DPP4: variants seen among roughly 807,000 people sequenced by gnomAD.
DPP4 encodes the protein dipeptidyl peptidase 4.
A neutral mutation model predicts 122.4 loss-of-function variants in DPP4; 93 were observed. That is an observed-to-expected ratio of 0.76 (90% CI 0.64 to 0.90). DPP4 has a LOEUF of 0.90. Ranked by LOEUF, DPP4 falls within the 40% of genes least tolerant of loss-of-function variation. The probability of loss-of-function intolerance (pLI) is 0.00; values close to 1 mark genes in which losing one functional copy is unlikely to be tolerated. For synonymous variants in DPP4, 321 were observed against 302.9 expected, an observed-to-expected ratio of 1.06 and a Z score of -0.62; for missense variants, 914 against 907.3, an observed-to-expected ratio of 1.01 and a Z score of -0.09.
intron 2 of DPP4, among the ~76,000 whole-genome samples, chr2:162,068,351 G>A (rs1436220713): frequency 6.6e-6 from 1 of 152,234 alleles, no homozygotes; most frequent in East Asian, 1.9e-4. Flanking sequence ...ATGATATGGA[G>A]TTGAACAGTA....
intron 23 of DPP4, among the ~76,000 whole-genome samples, chr2:162,000,614 GA>G (rs1435197109): frequency 6.6e-6 from 1 of 152,160 alleles, no homozygotes; most frequent in Non-Finnish European, 1.5e-5. Context: ...ATAACCTAAC[GA>G]TGCAGCAGTT....
At chr2:162,033,079 C>T (rs1683618579) in intron 10 of DPP4, among the ~76,000 whole-genome samples, 2 of 152,160 alleles carry the variant, frequency 1.3e-5, no homozygotes, top group South Asian at 4.1e-4. Context: ...AGGGCCTTTG[C>T]ACTTGCTCTT....
At chr2:162,012,053 T>C in intron 19 of DPP4, 66 bp from the exon 20 acceptor site, 1 of 1,491,786 alleles carries the variant, frequency 6.7e-7, no homozygotes, top group Non-Finnish European at 9.2e-7. Context: ...TGCTTACATT[T>C]CTCTTCTCCG....
At position 162,017,158 on chromosome 2, in the gene DPP4, G is replaced by C. The variant is rs373591144; in HGVS notation, c.1421-3C>G. ...AGTATAGAGGGGCAGACCAGGACCT[G>C]TTAACACAATGGGGGAAAAATGTTT... On this transcript the variant is annotated splice_polypyrimidine_tract_variant and splice_region_variant and intron_variant, in intron 16 of 25. Transcript: ENST00000360534. The C allele has an allele frequency of 2.0e-5, 33 of 1,610,932 alleles. No individual in the cohort carries two copies. The highest frequency in any genetic ancestry group is 2.5e-6 in the Non-Finnish European group (3 of 1,179,294).
intron 5 of DPP4, 121 bp downstream of exon 5, chr2:162,045,410 AG>A: frequency 1.5e-6 from 1 of 681,906 alleles, no homozygotes; most frequent in South Asian, 1.8e-5. Flanking sequence ...TGAATTAATG[AG>A]TTTTAGTGCC....
Position 162,010,773 on chromosome 2 carries a change from TAA to T in DPP4, c.1832+1018_1832+1019del, listed in dbSNP as rs1470706259. On this transcript the variant is annotated intron_variant, in intron 20 of 25. Coordinates refer to ENST00000360534, the MANE Select transcript of DPP4 (RefSeq NM_001935.4). Reference sequence around the variant, plus strand: ...GAAAATAGCTAATCATTAACTTTAGTAAAAGAGAATTTCTTTCCTCAGGAATC... The same window carrying T: ...GAAAATAGCTAATCATTAACTTTAGTAAGAGAATTTCTTTCCTCAGGAATC... Among the ~76,000 whole-genome samples, 6 of 152,316 alleles carry T rather than the reference TAA, an allele frequency of 3.9e-5. No individual in the cohort carries two copies. In the East Asian group the frequency reaches 1.2e-3, roughly 29 times the overall value.
intron 2 of DPP4, among the ~76,000 whole-genome samples, chr2:162,055,694 G>A (rs951334690): frequency 2.6e-5 from 4 of 151,786 alleles, no homozygotes; most frequent in Non-Finnish European, 5.9e-5. Context: ...AAAGAACACT[G>A]TGGTACATCC....
Position 162,045,660 on chromosome 2 carries a change from G to T in DPP4, c.286-48C>A, listed in dbSNP as rs746162740. The T allele has an allele frequency of 9.5e-6, 13 of 1,365,062 alleles. No individual in the cohort carries two copies. The African/African-American group carries it at 1.6e-4, about 17-fold the overall frequency. 84.6% of individuals were successfully genotyped at this position (1,365,062 alleles called of 1,614,324 possible). A position where few individuals can be genotyped will look rare whatever the true frequency, so the allele number is the denominator to read the frequency against. ...AAAAATTGAACAATTCCATTTCATT[G>T]CCATCACTGTGCACTTACTTCATAG... On this transcript the variant is annotated intron_variant, in intron 4 of 25. Transcript: ENST00000360534.
chr2:162,030,518 C>G lies in DPP4; in HGVS notation c.887+3023G>C, dbSNP rs560167182. On this transcript the variant is annotated intron_variant, in intron 10 of 25. Transcript: ENST00000360534. ...AGAGGCACTGATCCTGGCCAGGCTT[C>G]CCACTCCAGGAACTAGTAAATCACC... is the stretch of plus-strand genomic sequence containing the variant. Among the ~76,000 whole-genome samples, 153 of 152,300 alleles carry G rather than the reference C, an allele frequency of 1.0e-3. 2 individuals are homozygous for G. The highest frequency in any genetic ancestry group is 3.4e-3 in the African/African-American group (142 of 41,570).
At chr2:162,061,200 C>G (rs761445694) in intron 2 of DPP4, among the ~76,000 whole-genome samples, 15 of 152,128 alleles carry the variant, frequency 9.9e-5, no homozygotes, top group Non-Finnish European at 1.9e-4. Context: ...AGCCACTGTG[C>G]CCAGCTGCAT....
At chr2:162,067,182 T>C (rs1434689235) in intron 2 of DPP4, among the ~76,000 whole-genome samples, 2 of 150,486 alleles carry the variant, frequency 1.3e-5, no homozygotes, top group Admixed American at 6.6e-5. Flanking sequence ...AAGAATATAA[T>C]AGAGAAATAA....
chr2:162,050,643 C>G (rs551946757), intron 2 of DPP4, among the ~76,000 whole-genome samples: 1 of 152,316 alleles, frequency 6.6e-6, no homozygotes, highest in Admixed American at 6.5e-5. Flanking sequence ...AGAAGAGCGG[C>G]TAAATTGGAG....
intron 23 of DPP4, among the ~76,000 whole-genome samples, 174 bp from the exon 24 acceptor site, chr2:161,995,546 C>G (rs1700979709): frequency 6.6e-6 from 1 of 152,170 alleles, no homozygotes; most frequent in Non-Finnish European, 1.5e-5. Context: ...CACAGCATGC[C>G]CTGTGCCTGG....
Position 161,995,282 on chromosome 2 carries a change from T to G in DPP4, c.2125+18A>C, listed in dbSNP as rs1222719769. On this transcript the variant is annotated intron_variant, in intron 24 of 25. Coordinates refer to ENST00000360534, the MANE Select transcript of DPP4 (RefSeq NM_001935.4). ...AACCTGTCTGTGATACTAAAAAGTC[T>G]AATTAACTGAAACTCACCATCTGCT... The G allele has an allele frequency of 6.2e-6, 10 of 1,610,748 alleles. No homozygotes were observed. Among genetic ancestry groups the G allele is most frequent in the Non-Finnish European group, 7.6e-6 (9 of 1,177,014 alleles).
intron 24 of DPP4, 130 bp from the exon 25 acceptor site, chr2:161,995,164 G>C: frequency 7.6e-7 from 1 of 1,308,966 alleles, no homozygotes; most frequent in South Asian, 1.2e-5. Flanking sequence ...TTTAGCCCAA[G>C]ACAAGTGACT....
At position 162,038,961 on chromosome 2, in the gene DPP4, C is replaced by T; in HGVS notation, c.480G>A (p.Val160=). The T allele has an allele frequency of 6.2e-7, 1 of 1,613,412 alleles. No homozygotes were observed. Among genetic ancestry groups the T allele is most frequent in the Non-Finnish European group, 8.5e-7 (1 of 1,179,466 alleles). The part of the protein sequence containing the change: ...NNTQWVTWSP[V]GHKLAYVWNN... ...GAGACTCACTAACCAATTTATGACC[C>T]ACTGGTGACCATGTGACCCACTGTG... Residue 160 remains valine (V), a synonymous_variant, in exon 7 of 26, where the codon GTG becomes GTA. Transcript: ENST00000360534.
chr2:162,029,526 C>T (rs1576050345), intron 10 of DPP4, among the ~76,000 whole-genome samples: 1 of 152,340 alleles, frequency 6.6e-6, no homozygotes, highest in African/African-American at 2.4e-5. Context: ...CGTACACCCG[C>T]ACAGTCGTAG....
At chr2:162,041,865 C>T (rs1559719273) in intron 5 of DPP4, among the ~76,000 whole-genome samples, 5 of 152,146 alleles carry the variant, frequency 3.3e-5, no homozygotes, top group Admixed American at 1.3e-4. Context: ...TCCCCTGGAG[C>T]AGCTTATAGT....
chr2:162,013,805 T>C (rs1211090624), intron 19 of DPP4, among the ~76,000 whole-genome samples: 1 of 152,164 alleles, frequency 6.6e-6, no homozygotes, highest in African/African-American at 2.4e-5. Flanking sequence ...TAGGGTGTAT[T>C]CCTAATGATT....
Sources: allele counts gnomAD v4.1 joint callset (sites outside exome capture counted in the v4.1 genomes callset), GRCh38; gene constraint gnomAD v4.1.1; transcripts MANE v1.5; gene names NCBI Gene and HGNC (gene_info 2026-07-23, HGNC 2026-07-21).